Variants in CTDSPL2 observed in about 807,000 individuals in gnomAD.
CTDSPL2 encodes the protein CTD small phosphatase-like protein 2.
A neutral mutation model predicts 60.0 loss-of-function variants in CTDSPL2; 5 were observed. The observed-to-expected ratio is 0.08, with a 90% confidence interval of 0.04 to 0.18. The LOEUF is 0.18. CTDSPL2 is among the 10% of genes least tolerant of loss of function. The probability of loss-of-function intolerance (pLI) is 1.00; values close to 1 mark genes in which losing one functional copy is unlikely to be tolerated. For missense variants in CTDSPL2, 370 were observed against 548.8 expected, an observed-to-expected ratio of 0.67 and a Z score of 3.26; for synonymous variants, 186 against 189.3, an observed-to-expected ratio of 0.98 and a Z score of 0.14.
chr15:44,429,036 A>G (rs975796596), intron 1 of CTDSPL2, among the ~76,000 whole-genome samples: 1 of 152,202 alleles, frequency 6.6e-6, no homozygotes, highest in African/African-American at 2.4e-5. Context: ...AACTGTTCAC[A>G]TTGAATATCA....
At chr15:44,438,525 A>T (rs1184687059) in intron 1 of CTDSPL2, among the ~76,000 whole-genome samples, 4 of 152,062 alleles carry the variant, frequency 2.6e-5, no homozygotes, top group African/African-American at 9.7e-5. Context: ...AATAACTGTG[A>T]TGTTTAGGAT....
intron 1 of CTDSPL2, among the ~76,000 whole-genome samples, chr15:44,431,391 T>G (rs951346633): frequency 6.6e-6 from 1 of 152,262 alleles, no homozygotes; most frequent in Non-Finnish European, 1.5e-5. Context: ...AGTGTTTGTA[T>G]GACTACATTA....
chr15:44,448,639 C>A, intron 1 of CTDSPL2: 1 of 317,354 alleles, frequency 3.2e-6, no homozygotes, highest in South Asian at 3.0e-5. Flanking sequence ...GTCCCTCCTC[C>A]ATTTCTCCCA....
chr15:44,431,901 T>C (rs1383736755), intron 1 of CTDSPL2, among the ~76,000 whole-genome samples: 1 of 151,600 alleles, frequency 6.6e-6, no homozygotes, highest in Non-Finnish European at 1.5e-5. Flanking sequence ...ATTTTTTTTC[T>C]TTAGTAGAGA....
chr15:44,427,709 C>T lies in CTDSPL2; in HGVS notation c.-88C>T, dbSNP rs1054878788. The T allele has an allele frequency of 5.0e-6, 2 of 399,426 alleles. No homozygotes were observed. Among genetic ancestry groups the T allele is most frequent in the Non-Finnish European group, 8.8e-6 (2 of 226,504 alleles). 24.7% of individuals were successfully genotyped at this position (399,426 alleles called of 1,614,324 possible). ...TGCTGCGGGGTAAGCGGGAAAGACA[C>T]CACACATTGCGCAGTCGGGACCATC... is the stretch of plus-strand genomic sequence containing the variant. On this transcript the variant is annotated 5_prime_UTR_variant, in exon 1 of 13. Coordinates refer to ENST00000260327, the MANE Select transcript of CTDSPL2 (RefSeq NM_016396.3).
At chr15:44,506,412 C>CTTTTTTTTTTTTTTTTTTTTTTTTTTT (rs764238056) in intron 8 of CTDSPL2, among the ~76,000 whole-genome samples, 3 of 112,392 alleles carry the variant, frequency 2.7e-5, no homozygotes, top group African/African-American at 1.1e-4. Flanking sequence ...CCTACTTTGA[C>CTTTTTTTTTTTTTTTTTTTTTTTTTTT]TTTTTTTTTT....
At chr15:44,521,674 C>T (rs573166724) in intron 12 of CTDSPL2, among the ~76,000 whole-genome samples, 2 of 152,116 alleles carry the variant, frequency 1.3e-5, no homozygotes, top group African/African-American at 4.8e-5. Context: ...CGCGGTGGCT[C>T]ACGCCTGTAA....
At chr15:44,429,929 A>G (rs1258582365) in intron 1 of CTDSPL2, among the ~76,000 whole-genome samples, 3 of 152,234 alleles carry the variant, frequency 2.0e-5, no homozygotes, top group Non-Finnish European at 2.9e-5. Context: ...TTGTAGCTAT[A>G]TAGAAAATCT....
At chr15:44,473,462 A>G (rs1166611439) in intron 2 of CTDSPL2, among the ~76,000 whole-genome samples, 2 of 151,928 alleles carry the variant, frequency 1.3e-5, no homozygotes. Flanking sequence ...CGCCCAGCTA[A>G]TATTTTGTAT....
At chr15:44,435,506 T>G (rs2141263444) in intron 1 of CTDSPL2, among the ~76,000 whole-genome samples, 2 of 147,594 alleles carry the variant, frequency 1.4e-5, no homozygotes, top group East Asian at 2.1e-4. Context: ...GAGGCGGAGG[T>G]TGCAGTGAGC....
At chr15:44,495,562 AAG>A (rs2081284867) in intron 5 of CTDSPL2, among the ~76,000 whole-genome samples, 2 of 151,934 alleles carry the variant, frequency 1.3e-5, no homozygotes, top group African/African-American at 4.8e-5. Context: ...AAAAAAAAAA[AAG>A]AGATCATAGT....
intron 10 of CTDSPL2, among the ~76,000 whole-genome samples, chr15:44,515,986 CTTT>C (rs562541301): frequency 2.3e-5 from 3 of 132,948 alleles, no homozygotes; most frequent in Non-Finnish European, 3.2e-5. Context: ...CTTTCTTTTT[CTTT>C]TTTTTTTTTT....
intron 8 of CTDSPL2, among the ~76,000 whole-genome samples, chr15:44,511,676 C>T (rs2081567370): frequency 2.0e-5 from 3 of 151,846 alleles, no homozygotes; most frequent in Admixed American, 6.6e-5. Context: ...TGAGACCAGC[C>T]TGGTCAACAC....
intron 4 of CTDSPL2, among the ~76,000 whole-genome samples, chr15:44,489,042 A>G (rs1370967333): frequency 6.6e-6 from 1 of 152,060 alleles, no homozygotes; most frequent in Non-Finnish European, 1.5e-5. Flanking sequence ...GTGAAGGTTT[A>G]CATTGATATT....
chr15:44,453,333 AT>A (rs2080367559), intron 1 of CTDSPL2, among the ~76,000 whole-genome samples: 1 of 151,914 alleles, frequency 6.6e-6, no homozygotes, highest in Non-Finnish European at 1.5e-5. Flanking sequence ...TCATTTATTG[AT>A]TATTTTTAAT....
At chr15:44,476,141 T>C (rs1189906690) in intron 2 of CTDSPL2, among the ~76,000 whole-genome samples, 1 of 152,178 alleles carries the variant, frequency 6.6e-6, no homozygotes, top group African/African-American at 2.4e-5. Flanking sequence ...CGATCTCGGC[T>C]CACTGCCAGC....
chr15:44,508,991 GACTC>G (rs1296407168), intron 8 of CTDSPL2, among the ~76,000 whole-genome samples: 2 of 152,068 alleles, frequency 1.3e-5, no homozygotes, highest in African/African-American at 4.8e-5. Flanking sequence ...TTCCTAAAAA[GACTC>G]ACATGTAATT....
intron 1 of CTDSPL2, among the ~76,000 whole-genome samples, chr15:44,441,857 A>G (rs756630693): frequency 6.6e-6 from 1 of 152,232 alleles, no homozygotes; most frequent in Non-Finnish European, 1.5e-5. Flanking sequence ...CCAGTGGGTC[A>G]TAGAAGTGCT....
chr15:44,504,770 T>A (rs2081432551), intron 8 of CTDSPL2, among the ~76,000 whole-genome samples: 1 of 152,012 alleles, frequency 6.6e-6, no homozygotes, highest in Non-Finnish European at 1.5e-5. Flanking sequence ...CTCGATAGGC[T>A]GAGGCAGGAG....
Sources: allele counts gnomAD v4.1 joint callset (sites outside exome capture counted in the v4.1 genomes callset), GRCh38; gene constraint gnomAD v4.1.1; transcripts MANE v1.5; gene names NCBI Gene and HGNC (gene_info 2026-07-23, HGNC 2026-07-21).